The following EPB41L2 variants were observed in gnomAD, a reference collection of about 807,000 sequenced individuals.
The protein encoded by EPB41L2 is erythrocyte membrane protein band 4.1 like 2.
A neutral mutation model predicts 113.0 loss-of-function variants in EPB41L2; 43 were observed. That is an observed-to-expected ratio of 0.38 (90% CI 0.30 to 0.49). EPB41L2 has a LOEUF of 0.49. Among genes scored for constraint, EPB41L2 ranks in the 20% least tolerant of loss-of-function variants. The pLI is 0.95. For synonymous variants in EPB41L2, 442 were observed against 436.7 expected (o/e 1.01, Z -0.15); for missense variants, 1,147 against 1,223.4 (o/e 0.94, Z 0.93).
At chr6:131,006,066 C>CT (rs34402395) in intron 1 of EPB41L2, among the ~76,000 whole-genome samples, 113 of 151,602 alleles carry the variant, frequency 7.5e-4, no homozygotes, top group Admixed American at 2.0e-3. Context: ...TTTGTTTGTT[C>CT]TTTTTTTTGA....
At chr6:131,023,819 T>A (rs1313403163) in intron 1 of EPB41L2, among the ~76,000 whole-genome samples, 3 of 150,814 alleles carry the variant, frequency 2.0e-5, no homozygotes, top group Non-Finnish European at 4.4e-5. Context: ...GAACTCTATG[T>A]CTATAGGAGT....
At chr6:130,862,766 C>T (rs1321233428) in intron 18 of EPB41L2, among the ~76,000 whole-genome samples, 1 of 152,202 alleles carries the variant, frequency 6.6e-6, no homozygotes, top group Admixed American at 6.5e-5. Flanking sequence ...TCTCTGATCA[C>T]ATATAGGCTG....
At chr6:131,028,415 A>C (rs539504016) in intron 1 of EPB41L2, among the ~76,000 whole-genome samples, 1 of 152,336 alleles carries the variant, frequency 6.6e-6, no homozygotes, top group Non-Finnish European at 1.5e-5. Context: ...AACTAAAAAT[A>C]TCCCAATGTC....
intron 5 of EPB41L2, 138 bp downstream of exon 5, chr6:130,908,683 C>T: frequency 1.7e-6 from 1 of 584,044 alleles, no homozygotes; most frequent in Non-Finnish European, 2.8e-6. Flanking sequence ...CACAATTCCA[C>T]AAAAATATTA....
At chr6:130,927,334 A>AAC (rs1805099615) in intron 3 of EPB41L2, among the ~76,000 whole-genome samples, 2 of 151,948 alleles carry the variant, frequency 1.3e-5, no homozygotes, top group South Asian at 2.1e-4. Flanking sequence ...TTTTACCTTG[A>AAC]ATATATATAT....
In EPB41L2 at chr6:130,840,076, A is replaced by G. The variant is rs1040542211; in HGVS notation, c.*528T>C. On this transcript the variant is annotated 3_prime_UTR_variant, in exon 20 of 20. Transcript: ENST00000337057. ...TAAGAAAGGCTTTTAATCTGTATTAATATTTTCTCATACAGTATATTTGCT... is the reference window on the plus strand; with the variant it reads ...TAAGAAAGGCTTTTAATCTGTATTAGTATTTTCTCATACAGTATATTTGCT... 1.7e-4 allele frequency: 26 copies of G among 152,266 alleles called. No homozygotes were observed. The highest frequency in any genetic ancestry group is 1.2e-4 in the African/African-American group (5 of 41,466). The allele number at this position is 152,266 out of a possible 1,614,324, so 9.4% of individuals were successfully genotyped here. A position where few individuals can be genotyped will look rare whatever the true frequency, so the allele number is the denominator to read the frequency against.
intron 1 of EPB41L2, among the ~76,000 whole-genome samples, chr6:131,035,909 T>C (rs1013517377): frequency 7.9e-5 from 12 of 152,144 alleles, no homozygotes; most frequent in African/African-American, 2.7e-4. Flanking sequence ...GCACCAAAGT[T>C]TGGAGGCCAG....
chr6:130,872,557 G>C (rs1167481485), intron 14 of EPB41L2: 1 of 1,285,908 alleles, frequency 7.8e-7, no homozygotes, highest in East Asian at 5.6e-5. Context: ...GTCAGAAAAG[G>C]AAGAGCAAAG....
chr6:130,903,416 C>A (rs905736057), intron 6 of EPB41L2, among the ~76,000 whole-genome samples: 1 of 150,468 alleles, frequency 6.6e-6, no homozygotes, highest in Non-Finnish European at 1.5e-5. Context: ...AAAAAAAGGC[C>A]GGCCTGCTAT....
chr6:131,006,101 C>T (rs1286862494), intron 1 of EPB41L2, among the ~76,000 whole-genome samples: 4 of 151,980 alleles, frequency 2.6e-5, no homozygotes, highest in Admixed American at 6.6e-5. Flanking sequence ...CTGTCAACCA[C>T]GCTGAAGTGC....
intron 5 of EPB41L2, among the ~76,000 whole-genome samples, chr6:130,906,751 T>C (rs952775262): frequency 1.3e-5 from 2 of 152,140 alleles, no homozygotes; most frequent in African/African-American, 4.8e-5. Context: ...AAAATAAAAT[T>C]ATAGCAGACA....
chr6:130,888,109 C>A (rs1345799073), intron 11 of EPB41L2, among the ~76,000 whole-genome samples: 1 of 151,946 alleles, frequency 6.6e-6, no homozygotes, highest in Non-Finnish European at 1.5e-5. Context: ...AAAGAAAATA[C>A]AATACATGAA....
intron 12 of EPB41L2, among the ~76,000 whole-genome samples, chr6:130,883,521 AGT>A (rs1789957968): frequency 2.0e-5 from 3 of 152,250 alleles, no homozygotes; most frequent in Admixed American, 6.5e-5. Flanking sequence ...CAGTGTACCC[AGT>A]TGTTCACCGC....
intron 12 of EPB41L2, chr6:130,880,965 T>G (rs900675621): frequency 6.5e-6 from 1 of 153,890 alleles, no homozygotes; most frequent in East Asian, 1.9e-4. Context: ...GGAGGGGGAT[T>G]GGCTTATTTA....
chr6:130,850,608 G>T lies in EPB41L2; in HGVS notation c.*5+7523C>A, dbSNP rs28720851. ...ATTTATAAGTACACACATACACACTGGAAAGAAATTCTCTATCTCTGGGAG... is the reference window on the plus strand; with the variant it reads ...ATTTATAAGTACACACATACACACTTGAAAGAAATTCTCTATCTCTGGGAG... On this transcript the variant is annotated intron_variant, in intron 19 of 19. Transcript: ENST00000337057. Among the ~76,000 whole-genome samples the T allele has an allele frequency of 9.0e-3, 1,371 of 152,206 alleles. 17 individuals carry two copies. Among genetic ancestry groups the T allele is most frequent in the African/African-American group, 0.029 (1,192 of 41,526 alleles).
intron 1 of EPB41L2, among the ~76,000 whole-genome samples, chr6:131,007,721 T>TA (rs1234046177): frequency 1.3e-5 from 2 of 152,214 alleles, no homozygotes; most frequent in African/African-American, 4.8e-5. Flanking sequence ...TCACTGTTTC[T>TA]ATGCTTTAGC....
intron 1 of EPB41L2, among the ~76,000 whole-genome samples, chr6:131,001,165 TTAGACTA>T (rs148765696): frequency 0.022 from 3,352 of 152,248 alleles, 119 homozygotes; most frequent in African/African-American, 0.077. Flanking sequence ...TCAAGTGTGC[TTAGACTA>T]TAAAGTGATG....
At chr6:130,917,058 A>C (rs780308400) in intron 4 of EPB41L2, among the ~76,000 whole-genome samples, 16 of 152,174 alleles carry the variant, frequency 1.1e-4, no homozygotes, top group Non-Finnish European at 2.4e-4. Flanking sequence ...TCCCCATCAC[A>C]ATAAGCAGCT....
intron 4 of EPB41L2, among the ~76,000 whole-genome samples, chr6:130,921,074 G>A (rs1010192373): frequency 6.6e-6 from 1 of 152,004 alleles, no homozygotes; most frequent in Non-Finnish European, 1.5e-5. Flanking sequence ...CAGTCACAAA[G>A]TGACTGCAGA....
Sources: allele counts gnomAD v4.1 joint callset (sites outside exome capture counted in the v4.1 genomes callset), GRCh38; gene constraint gnomAD v4.1.1; transcripts MANE v1.5; gene names NCBI Gene and HGNC (gene_info 2026-07-23, HGNC 2026-07-21).